TTC6: variants seen among roughly 807,000 people sequenced by gnomAD.
TTC6 encodes tetratricopeptide repeat protein 6.
Under a neutral mutation model 210.4 loss-of-function variants are expected in TTC6, and 172 were observed. That is an observed-to-expected ratio of 0.82 (90% CI 0.72 to 0.93). The LOEUF (loss-of-function observed/expected upper bound fraction) is 0.93, where lower values mean the gene tolerates loss of function less well. Ranked by LOEUF, TTC6 falls within the 40% of genes least tolerant of loss-of-function variation. TTC6 has a pLI of 0.00. For synonymous variants in TTC6, 804 were observed against 819.6 expected, an observed-to-expected ratio of 0.98 and a Z score of 0.32; for missense variants, 2,414 against 2,318.1, an observed-to-expected ratio of 1.04 and a Z score of -0.85.
intron 5 of TTC6, among the ~76,000 whole-genome samples, chr14:37,709,729 C>CACTT (rs1233538744): frequency 9.4e-5 from 14 of 148,784 alleles, no homozygotes; most frequent in Non-Finnish European, 1.5e-4. Flanking sequence ...TATAGTTATA[C>CACTT]ACTTACTCTT....
chr14:37,649,873 T>C (rs988355907), intron 1 of TTC6, among the ~76,000 whole-genome samples: 23 of 152,218 alleles, frequency 1.5e-4, no homozygotes, highest in African/African-American at 5.1e-4. Flanking sequence ...TTTGATGTTA[T>C]ATATTGTCAG....
chr14:37,699,580 G>T (rs551055004), intron 4 of TTC6, among the ~76,000 whole-genome samples: 1 of 152,272 alleles, frequency 6.6e-6, no homozygotes, highest in African/African-American at 2.4e-5. Flanking sequence ...AGATCAATCT[G>T]GTAGAATTTT....
At chr14:37,671,219 C>T (rs1359319654) in intron 1 of TTC6, among the ~76,000 whole-genome samples, 2 of 152,130 alleles carry the variant, frequency 1.3e-5, no homozygotes, top group African/African-American at 2.4e-5. Context: ...GAGACCTCCC[C>T]ATGGGACTGC....
chr14:37,798,620 T>C (rs1406889403), intron 20 of TTC6, among the ~76,000 whole-genome samples: 1 of 152,064 alleles, frequency 6.6e-6, no homozygotes, highest in Non-Finnish European at 1.5e-5. Flanking sequence ...CTGTGCTGGC[T>C]AGAAACTCCA....
exon 27 of TTC6, chr14:37,823,749 T>C (rs2096163566): frequency 6.2e-7 from 1 of 1,613,126 alleles, no homozygotes. Context: ...ATTTGCAGAA[T>C]TAATGAGTTT....
chr14:37,806,988 G>A (rs73254879), intron 22 of TTC6, among the ~76,000 whole-genome samples: 90 of 152,202 alleles, frequency 5.9e-4, no homozygotes, highest in African/African-American at 2.0e-3. Flanking sequence ...GGTTATGTAC[G>A]AGAATGTCTT....
At chr14:37,625,652 C>T (rs1055640026) in intron 1 of TTC6, among the ~76,000 whole-genome samples, 3 of 151,678 alleles carry the variant, frequency 2.0e-5, no homozygotes, top group East Asian at 1.9e-4. Context: ...TTGTTTTAAA[C>T]GTTTGGGGCT....
rs1232718671 is a variant in TTC6, at chr14:37,812,386, C to T, written c.4642C>T (p.Arg1548Cys). ...TGTAAAACTAAATACCTTCCTTAAT[C>T]GTGGACTCATCTACGTAGAACTAGG... Residue 1548 changes from arginine (R) to cysteine (C), a missense_variant, in exon 25 of 31, where the codon CGT (arginine) becomes TGT (cysteine). Physicochemically the swap from Arg to Cys is radical, Grantham distance 180 (BLOSUM62 -3). Transcript: ENST00000553443. 7.4e-6 allele frequency: 12 copies of T among 1,613,226 alleles called. No homozygotes were observed. The East Asian group carries it at 8.9e-5, about 12-fold the overall frequency.
chr14:37,738,630 A>T, intron 9 of TTC6, 146 bp from the exon 12 acceptor site: 1 of 717,904 alleles, frequency 1.4e-6, no homozygotes, highest in Non-Finnish European at 2.1e-6. Flanking sequence ...CTGACTTTTG[A>T]ATAATTTTAA....
intron 5 of TTC6, 79 bp from the exon 8 acceptor site, chr14:37,714,576 G>C: frequency 9.0e-7 from 1 of 1,113,760 alleles, no homozygotes; most frequent in Non-Finnish European, 1.2e-6. Flanking sequence ...TATTTCAGTG[G>C]AGTTATGAAA....
At chr14:37,622,744 G>A in exon 1 of TTC6, 1 of 1,534,932 alleles carries the variant, frequency 6.5e-7, no homozygotes, top group Non-Finnish European at 8.7e-7. Flanking sequence ...GTGAGGATCC[G>A]CAGCAACTTC....
At chr14:37,775,270 T>C (rs2096033646) in intron 14 of TTC6, among the ~76,000 whole-genome samples, 1 of 152,206 alleles carries the variant, frequency 6.6e-6, no homozygotes, top group South Asian at 2.1e-4. Context: ...TTCTGCTATC[T>C]TTCAGGTTGG....
intron 29 of TTC6, among the ~76,000 whole-genome samples, chr14:37,840,456 T>C (rs1003756079): frequency 2.6e-5 from 4 of 151,752 alleles, no homozygotes; most frequent in African/African-American, 9.7e-5. Flanking sequence ...TTCCACTCAA[T>C]AGAAAGAGAG....
chr14:37,835,756 C>T (rs1194075242), intron 29 of TTC6, among the ~76,000 whole-genome samples: 1 of 152,160 alleles, frequency 6.6e-6, no homozygotes, highest in Non-Finnish European at 1.5e-5. Flanking sequence ...AGTGTAACAA[C>T]ATTAAGTCCT....
At chr14:37,745,077 T>C (rs12100521) in intron 10 of TTC6, among the ~76,000 whole-genome samples, 5,642 of 152,080 alleles carry the variant, frequency 0.037, 215 homozygotes, top group African/African-American at 0.1. Context: ...TATGTGTGTG[T>C]GTATATATAT....
intron 7 of TTC6, among the ~76,000 whole-genome samples, chr14:37,725,511 T>C (rs1312868108): frequency 6.6e-6 from 1 of 151,046 alleles, no homozygotes; most frequent in Non-Finnish European, 1.5e-5. Flanking sequence ...CCACCACACC[T>C]GGCTAATTTT....
At chr14:37,719,322 C>G (rs1464607850) in intron 6 of TTC6, among the ~76,000 whole-genome samples, 2 of 150,696 alleles carry the variant, frequency 1.3e-5, no homozygotes, top group South Asian at 4.2e-4. Context: ...AAAATTCCAG[C>G]AAGGCTTTTT....
chr14:37,689,295 A>G (rs1048699294), intron 3 of TTC6, among the ~76,000 whole-genome samples: 4 of 152,084 alleles, frequency 2.6e-5, no homozygotes, highest in Admixed American at 2.6e-4. Context: ...AGAATAAAAC[A>G]CAATGAAGCA....
intron 1 of TTC6, among the ~76,000 whole-genome samples, chr14:37,673,558 ACTC>A (rs1208267756): frequency 6.6e-6 from 1 of 151,846 alleles, no homozygotes. Context: ...TGCTCTCTCT[ACTC>A]CTCCTTTTAA....
Sources: gnomAD v4.1 joint callset for allele counts (sites outside exome capture counted in the v4.1 genomes callset) on GRCh38, gnomAD v4.1.1 for gene constraint, MANE v1.5 for transcripts, NCBI Gene and HGNC (gene_info 2026-07-23, HGNC 2026-07-21) for gene names.